Variants in KCNG3 observed in about 807,000 individuals in gnomAD.
KCNG3 encodes the protein voltage-gated potassium channel regulatory subunit KCNG3.
A neutral mutation model predicts 29.0 loss-of-function variants in KCNG3; 15 were observed. That is an observed-to-expected ratio of 0.52 (90% CI 0.35 to 0.80). KCNG3 has a LOEUF of 0.80. Among genes scored for constraint, KCNG3 ranks in the 30% least tolerant of loss-of-function variants. The probability of loss-of-function intolerance (pLI) is 0.01; values close to 1 mark genes in which losing one functional copy is unlikely to be tolerated. For synonymous variants in KCNG3, 322 were observed against 248.9 expected (o/e 1.29, Z -2.76); for missense variants, 512 against 605.7 (o/e 0.85, Z 1.62).
intron 1 of KCNG3, among the ~76,000 whole-genome samples, chr2:42,466,968 G>T (rs191301062): frequency 6.6e-6 from 1 of 152,028 alleles, no homozygotes; most frequent in African/African-American, 2.4e-5. Context: ...GGCCGGGCTG[G>T]TCTCCAACTC....
At chr2:42,407,356 G>A in the KCNG3 span, among the ~76,000 whole-genome samples, 2 of 152,032 alleles carry the variant, frequency 1.3e-5, no homozygotes, top group South Asian at 2.1e-4. Context: ...TTTTAGAGGC[G>A]GGGGCTTTAC....
In KCNG3 at chr2:42,444,204, C is replaced by T. The variant is rs1236575338; in HGVS notation, c.1041G>A (p.Gly347=). 2.4e-5 allele frequency: 39 copies of T among 1,614,144 alleles called. No homozygotes were observed. The highest frequency in any genetic ancestry group is 3.2e-5 in the Non-Finnish European group (38 of 1,180,042). The change falls in exon 2 of 2, where the codon GGG becomes GGA. Residue 347 remains glycine, a synonymous_variant. Transcript: ENST00000306078. This position sits in a 1 kb window ranked among gnomAD's most constrained non-coding sequence, Gnocchi z 5.8. ...FSALSQLLEH[G]LDLETSNKDF... is the part of the protein sequence containing the mutation. ...CCTTGTTGGATGTTTCCAGGTCCAG[C>T]CCATGTTCAAGAAGCTGAGAAAGTG...
chr2:42,486,589 G>A (rs558720685), intron 1 of KCNG3, among the ~76,000 whole-genome samples: 19 of 152,280 alleles, frequency 1.2e-4, no homozygotes, highest in African/African-American at 4.3e-4. Flanking sequence ...TAGCCCACAT[G>A]GGCCTTCCTT....
At chr2:42,414,887 T>C in the KCNG3 span, among the ~76,000 whole-genome samples, 2 of 152,372 alleles carry the variant, frequency 1.3e-5, no homozygotes, top group East Asian at 3.8e-4. Context: ...CTGTTCTTGT[T>C]TCACTGCCTC....
At chr2:42,451,158 T>C (rs1672741943) in intron 1 of KCNG3, among the ~76,000 whole-genome samples, 2 of 119,846 alleles carry the variant, frequency 1.7e-5, no homozygotes, top group African/African-American at 3.4e-5. Context: ...TGAGCTGAGA[T>C]AGTACCACTG....
the KCNG3 span, among the ~76,000 whole-genome samples, chr2:42,420,416 T>C: frequency 6.6e-6 from 1 of 152,148 alleles, no homozygotes; most frequent in African/African-American, 2.4e-5. Flanking sequence ...GCAAAGACTA[T>C]GCAGTATCAC....
At position 42,444,750 on chromosome 2, in the gene KCNG3, G is replaced by A. The variant is rs578093513; in HGVS notation, c.666-171C>T. ...TCAGACCACCAGGATGCACGCAACA[G>A]AACAACAAATCAATTCAGATGAAAA... On this transcript the variant is annotated intron_variant, in intron 1 of 1. Transcript: ENST00000306078. This position sits in a 1 kb window ranked among gnomAD's most constrained non-coding sequence, Gnocchi z 5.8. 1.3e-4 allele frequency among the ~76,000 whole-genome samples: 20 copies of A among 152,192 alleles called. No homozygotes were observed. The South Asian group carries it at 3.7e-3, about 28-fold the overall frequency.
the KCNG3 span, among the ~76,000 whole-genome samples, chr2:42,419,760 A>G: frequency 6.6e-5 from 10 of 152,350 alleles, no homozygotes; most frequent in African/African-American, 9.6e-5. Flanking sequence ...ACAGAATAAA[A>G]TAACTATCCA....
chr2:42,481,546 C>A (rs1420667466), intron 1 of KCNG3, among the ~76,000 whole-genome samples: 1 of 152,196 alleles, frequency 6.6e-6, no homozygotes, highest in Non-Finnish European at 1.5e-5. Context: ...CTATTCTCCT[C>A]AAAACCCACA....
At chr2:42,460,312 C>T (rs1672985157) in intron 1 of KCNG3, among the ~76,000 whole-genome samples, 1 of 152,154 alleles carries the variant, frequency 6.6e-6, no homozygotes, top group Non-Finnish European at 1.5e-5. Flanking sequence ...GATTATACCA[C>T]TGCACTCCAG....
rs1673990356 is a variant in KCNG3, at chr2:42,493,757, GC to G, written c.-257del. The G allele has an allele frequency of 3.2e-6, 1 of 315,974 alleles. No homozygotes were observed. The highest frequency in any genetic ancestry group is 5.0e-5 in the Admixed American group (1 of 19,902). The allele number at this position is 315,974 out of a possible 1,614,324, so 19.6% of individuals were successfully genotyped here. A position where few individuals can be genotyped will look rare whatever the true frequency, so the allele number is the denominator to read the frequency against. ...GAGTCCTCGCCGGCGCCAGCGCTGA[GC>G]CCCACCGGCTGGGAACGCGGCTGTG... On this transcript the variant is annotated 5_prime_UTR_variant, in exon 1 of 2. Transcript: ENST00000306078.
chr2:42,419,378 C>T, the KCNG3 span, among the ~76,000 whole-genome samples: 1 of 151,606 alleles, frequency 6.6e-6, no homozygotes, highest in Non-Finnish European at 1.5e-5. Context: ...GCTGGGATTA[C>T]AGGCACCTGC....
At chr2:42,457,041 CAAT>C (rs1483080084) in intron 1 of KCNG3, among the ~76,000 whole-genome samples, 2 of 152,096 alleles carry the variant, frequency 1.3e-5, no homozygotes, top group Non-Finnish European at 2.9e-5. Flanking sequence ...CAACCTAGAT[CAAT>C]AATAAATTAA....
chr2:42,460,987 C>G (rs1262490052), intron 1 of KCNG3, among the ~76,000 whole-genome samples: 2 of 151,790 alleles, frequency 1.3e-5, no homozygotes, highest in African/African-American at 4.8e-5. Context: ...TGGTGAAACC[C>G]CGTCTCTACT....
At chr2:42,473,347 CTTTT>C (rs199735377) in intron 1 of KCNG3, among the ~76,000 whole-genome samples, 6 of 148,462 alleles carry the variant, frequency 4.0e-5, no homozygotes, top group South Asian at 4.3e-4. Context: ...AAGCATGTTT[CTTTT>C]TTTTTTGTTT....
intron 1 of KCNG3, 76 bp downstream of exon 1, chr2:42,492,761 C>T: frequency 3.8e-6 from 5 of 1,308,756 alleles, no homozygotes; most frequent in Non-Finnish European, 4.0e-6. Context: ...GCGGACAGGA[C>T]GGAGACGGGA....
chr2:42,407,178 T>A, the KCNG3 span, among the ~76,000 whole-genome samples: 1 of 107,870 alleles, frequency 9.3e-6, no homozygotes, highest in Non-Finnish European at 2.0e-5. Flanking sequence ...CTGCTTGATC[T>A]TTTTTTTTTT....
At chr2:42,453,362 G>C (rs1469512938) in intron 1 of KCNG3, among the ~76,000 whole-genome samples, 1 of 152,138 alleles carries the variant, frequency 6.6e-6, no homozygotes, top group East Asian at 1.9e-4. Flanking sequence ...GCCAGCATTT[G>C]TTATTGTCTG....
intron 1 of KCNG3, among the ~76,000 whole-genome samples, chr2:42,477,382 TATATATACACACAC>T (rs1168530585): frequency 9.5e-6 from 1 of 105,206 alleles, no homozygotes; most frequent in Non-Finnish European, 1.7e-5. Context: ...TACACACACA[TATATATACACACAC>T]ACACACACAC....
Sources: gnomAD v4.1 joint callset for allele counts (sites outside exome capture counted in the v4.1 genomes callset) on GRCh38, gnomAD v4.1.1 for gene constraint, Gnocchi (gnomAD v3.1) non-coding constraint, MANE v1.5 for transcripts, NCBI Gene and HGNC (gene_info 2026-07-23, HGNC 2026-07-21) for gene names.